The following RYR2 variants were observed in gnomAD, a reference collection of about 807,000 sequenced individuals.
RYR2 encodes ryanodine receptor 2.
A neutral mutation model predicts 601.1 loss-of-function variants in RYR2; 227 were observed. That is an observed-to-expected ratio of 0.38 (90% CI 0.34 to 0.42). The LOEUF is 0.42. Ranked by LOEUF, RYR2 falls within the 10% of genes least tolerant of loss-of-function variation. The probability of loss-of-function intolerance (pLI) is 1.00; values close to 1 mark genes in which losing one functional copy is unlikely to be tolerated. For synonymous variants in RYR2, 2,223 were observed against 2,175.1 expected (o/e 1.02, Z -0.61); for missense variants, 4,646 against 6,156.5 (o/e 0.75, Z 8.21).
rs541210761 is a variant in RYR2 at position 237,668,578 on chromosome 1, C to A, written c.8590+620C>A. 2.1e-3 allele frequency among the ~76,000 whole-genome samples: 326 copies of A among 152,336 alleles called. 1 individual carries two copies. Among genetic ancestry groups the A allele is most frequent in the African/African-American group, 7.4e-3 (308 of 41,582 alleles). On this transcript the variant is annotated intron_variant, in intron 58 of 104. Coordinates refer to ENST00000366574, the MANE Select transcript of RYR2 (RefSeq NM_001035.3). Reference sequence around the variant, plus strand: ...GCATATGCGCTGTCGTTAATGACTTCCTATATGGTTTTCTTTCCCCTGATA... The same window carrying A: ...GCATATGCGCTGTCGTTAATGACTTACTATATGGTTTTCTTTCCCCTGATA...
chr1:237,049,401 A>ACACACACAACACACACAC (rs1660977435), intron 1 of RYR2, among the ~76,000 whole-genome samples: 1 of 152,146 alleles, frequency 6.6e-6, no homozygotes, highest in Non-Finnish European at 1.5e-5. Flanking sequence ...CCCTGCCAAC[A>ACACACACAACACACACAC]AATGGTTGTG....
At chr1:237,753,248 C>G (rs961295029) in intron 80 of RYR2, among the ~76,000 whole-genome samples, 6 of 152,188 alleles carry the variant, frequency 3.9e-5, no homozygotes, top group African/African-American at 1.4e-4. Context: ...AATATTTTCT[C>G]CATCGATGAC....
chr1:237,586,435 C>G (rs1674535966), intron 29 of RYR2, among the ~76,000 whole-genome samples: 1 of 152,120 alleles, frequency 6.6e-6, no homozygotes, highest in Non-Finnish European at 1.5e-5. Context: ...AAAACTATAA[C>G]CCTAAGGGGC....
intron 12 of RYR2, among the ~76,000 whole-genome samples, chr1:237,430,157 A>G (rs1450243324): frequency 6.7e-6 from 1 of 150,304 alleles, no homozygotes; most frequent in Non-Finnish European, 1.5e-5. Context: ...TATATAACAT[A>G]TAACATATAT....
At position 237,274,007 on chromosome 1, in the gene RYR2, TAAG is replaced by T. The variant is rs1264192614; in HGVS notation, c.168+3394_168+3396del. Among the ~76,000 whole-genome samples the T allele has an allele frequency of 4.8e-5, 7 of 146,350 alleles. No homozygotes were observed. In the East Asian group the frequency reaches 9.8e-4, roughly 20 times the overall value. ...TAAATTAATGTACATTCATGTTTATTAAGAAATACATATATATTTTATATTATA... is the reference window on the plus strand; with the variant it reads ...TAAATTAATGTACATTCATGTTTATTAAATACATATATATTTTATATTATA... On this transcript the variant is annotated intron_variant, in intron 2 of 104. Transcript: ENST00000366574.
chr1:237,689,931 G>A (rs770411868), intron 63 of RYR2, among the ~76,000 whole-genome samples: 7 of 149,550 alleles, frequency 4.7e-5, no homozygotes, highest in Non-Finnish European at 7.4e-5. Context: ...TGCAACCTCC[G>A]CCTCCCAGGT....
At chr1:237,212,091 CT>C (rs1682647762) in intron 1 of RYR2, among the ~76,000 whole-genome samples, 1 of 148,246 alleles carries the variant, frequency 6.7e-6, no homozygotes, top group East Asian at 2.0e-4. Flanking sequence ...TTTTTTTTTG[CT>C]GCATATTTTG....
Position 237,511,850 on chromosome 1 carries a change from A to AAG in RYR2, c.2822+60_2822+61insGA, listed in dbSNP as rs1553479488. Reference sequence around the variant, plus strand: ...GCCTTCCCTGAAAAAAAAAAAAAAAAAAAAAAAAACAGGTATTGATGCTAT... The same window carrying AAG: ...GCCTTCCCTGAAAAAAAAAAAAAAAAAGAAAAAAAAACAGGTATTGATGCTAT... On this transcript the variant is annotated intron_variant, in intron 24 of 104. Transcript: ENST00000366574. The AAG allele has an allele frequency of 6.5e-3, 5,742 of 880,706 alleles. 86 individuals carry two copies. The highest frequency in any genetic ancestry group is 0.012 in the South Asian group (524 of 45,504). 54.6% of individuals were successfully genotyped at this position (880,706 alleles called of 1,614,324 possible). A position where few individuals can be genotyped will look rare whatever the true frequency, so the allele number is the denominator to read the frequency against.
chr1:237,351,670 A>T (rs1156879206), intron 3 of RYR2, among the ~76,000 whole-genome samples: 1 of 151,986 alleles, frequency 6.6e-6, no homozygotes, highest in Non-Finnish European at 1.5e-5. Flanking sequence ...TATATTTATT[A>T]AATGAAATGA....
rs184996387 is a variant in RYR2, at chr1:237,493,676, A to T, written c.1961+589A>T. On this transcript the variant is annotated intron_variant, in intron 19 of 104. Transcript: ENST00000366574. ...ACCGTGTTAGCCAGGATGGTCTCGA[A>T]CTCCTGACCTCGTGATCTGCCCGCC... 7.0e-3 allele frequency among the ~76,000 whole-genome samples: 1,061 copies of T among 151,958 alleles called. 4 individuals carry two copies. Among genetic ancestry groups the T allele is most frequent in the Non-Finnish European group, 9.0e-3 (611 of 67,928 alleles).
At chr1:237,303,292 CTTTTTTTTTTTTTT>C (rs386370109) in intron 2 of RYR2, among the ~76,000 whole-genome samples, 2 of 85,254 alleles carry the variant, frequency 2.3e-5, no homozygotes, top group Non-Finnish European at 2.2e-5. Flanking sequence ...CTGCGGTTAT[CTTTTTTTTTTTTTT>C]TTTTTTTTTT....
chr1:237,487,741 A>AG (rs1662857522), intron 17 of RYR2, among the ~76,000 whole-genome samples: 3 of 150,914 alleles, frequency 2.0e-5, no homozygotes, highest in Admixed American at 6.6e-5. Flanking sequence ...TCAAAAAAAA[A>AG]TTATTCCAAT....
intron 1 of RYR2, among the ~76,000 whole-genome samples, chr1:237,195,730 C>A (rs1680490456): frequency 6.6e-6 from 1 of 152,180 alleles, no homozygotes; most frequent in Non-Finnish European, 1.5e-5. Context: ...CTTGGGTTAG[C>A]TATTTGTCCC....
chr1:237,296,524 A>C (rs1301348014), intron 2 of RYR2, among the ~76,000 whole-genome samples: 1 of 152,200 alleles, frequency 6.6e-6, no homozygotes, highest in Non-Finnish European at 1.5e-5. Flanking sequence ...TGAGATGAGG[A>C]AGGCAGAAGT....
At chr1:237,402,399 GA>G (rs201342853) in intron 10 of RYR2, among the ~76,000 whole-genome samples, 118 of 141,252 alleles carry the variant, frequency 8.4e-4, no homozygotes, top group African/African-American at 2.9e-3. Context: ...AAAAAAAAAA[GA>G]AAAAAAAATA....
At chr1:237,257,689 T>C (rs1407567535) in intron 1 of RYR2, among the ~76,000 whole-genome samples, 1 of 152,032 alleles carries the variant, frequency 6.6e-6, no homozygotes, top group Non-Finnish European at 1.5e-5. Flanking sequence ...AAGGAAACAG[T>C]TGAGTAAACT....
rs569685540 is a variant in RYR2 at position 237,049,616 on chromosome 1, C to T, written c.48+7047C>T. 4.5e-4 allele frequency among the ~76,000 whole-genome samples: 69 copies of T among 152,240 alleles called. 1 individual carries two copies. The highest frequency in any genetic ancestry group is 8.7e-4 in the African/African-American group (36 of 41,536). On this transcript the variant is annotated intron_variant, in intron 1 of 104. Transcript: ENST00000366574. Reference sequence around the variant, plus strand: ...AAAGCTTTGAATGATCCTGGGGTCCCTGGAAATCCTCATCCTGGTGGATTA... The same window carrying T: ...AAAGCTTTGAATGATCCTGGGGTCCTTGGAAATCCTCATCCTGGTGGATTA...
At chr1:237,654,123 T>C in intron 51 of RYR2, 151 bp from the exon 52 acceptor site, 1 of 829,972 alleles carries the variant, frequency 1.2e-6, no homozygotes, top group South Asian at 1.9e-5. Context: ...TACACGGTGA[T>C]AGTATTCTCC....
chr1:237,614,789 G>A lies in RYR2; in HGVS notation c.5661G>A (p.Lys1887=). Residue 1887 remains lysine (K), a synonymous_variant, in exon 37 of 105, where the codon AAG becomes AAA. Coordinates refer to ENST00000366574, the MANE Select transcript of RYR2 (RefSeq NM_001035.3). This position sits in a 1 kb window ranked among gnomAD's most constrained non-coding sequence, Gnocchi z 4.3. ...GTGAGGAAGAAGCCAAGGGGGGCAAGCGGCCCAAGGAAGGCCTGCTCCAAA... is the reference window on the plus strand; with the variant it reads ...GTGAGGAAGAAGCCAAGGGGGGCAAACGGCCCAAGGAAGGCCTGCTCCAAA... ...GAGEEEAKGG[K]RPKEGLLQMK... is the part of the protein sequence containing the mutation. 1 of 1,608,852 alleles carries A rather than the reference G, an allele frequency of 6.2e-7. No homozygotes were observed. Among genetic ancestry groups the A allele is most frequent in the Non-Finnish European group, 8.5e-7 (1 of 1,176,396 alleles).
Sources: allele counts gnomAD v4.1 joint callset (sites outside exome capture counted in the v4.1 genomes callset), GRCh38; gene constraint gnomAD v4.1.1; non-coding constraint Gnocchi (gnomAD v3.1); transcripts MANE v1.5; gene names NCBI Gene and HGNC (gene_info 2026-07-23, HGNC 2026-07-21).